Variants in ABLIM1 observed in about 807,000 individuals in gnomAD.
The protein encoded by ABLIM1 is actin binding LIM protein 1.
Under a neutral mutation model 107.0 loss-of-function variants are expected in ABLIM1, and 40 were observed. That is an observed-to-expected ratio of 0.37 (90% CI 0.29 to 0.49). ABLIM1 has a LOEUF of 0.49. Among genes scored for constraint, ABLIM1 ranks in the 20% least tolerant of loss-of-function variants. The pLI is 0.97. For missense variants in ABLIM1, 857 were observed against 1,008.5 expected, an observed-to-expected ratio of 0.85 and a Z score of 2.04; for synonymous variants, 357 against 357.3, an observed-to-expected ratio of 1.00 and a Z score of 0.01.
At chr10:114,795,709 CAAA>C in the ABLIM1 span, among the ~76,000 whole-genome samples, 9 of 109,118 alleles carry the variant, frequency 8.2e-5, no homozygotes, top group Admixed American at 1.0e-4. Flanking sequence ...GACTCCATCT[CAAA>C]AAAAAAAAAA....
At chr10:114,787,717 C>T in the ABLIM1 span, among the ~76,000 whole-genome samples, 8 of 131,634 alleles carry the variant, frequency 6.1e-5, no homozygotes, top group Admixed American at 1.5e-4. Context: ...GGGGGGTCAG[C>T]CCCCCGCCCG....
At chr10:114,793,826 T>C in the ABLIM1 span, among the ~76,000 whole-genome samples, 6 of 152,206 alleles carry the variant, frequency 3.9e-5, no homozygotes, top group Non-Finnish European at 7.3e-5. Context: ...CCTCTGTCTA[T>C]TACCAGGGTC....
At chr10:114,711,574 T>C (rs1472779237) in intron 1 of ABLIM1, among the ~76,000 whole-genome samples, 1 of 151,858 alleles carries the variant, frequency 6.6e-6, no homozygotes, top group African/African-American at 2.4e-5. Flanking sequence ...TTGAAAAAGG[T>C]TTAACAAAGG....
the ABLIM1 span, among the ~76,000 whole-genome samples, chr10:114,798,114 AT>A: frequency 6.6e-6 from 1 of 152,168 alleles, no homozygotes; most frequent in East Asian, 1.9e-4. Context: ...TGCCTTATAT[AT>A]TTTTTATATA....
At chr10:114,472,635 T>G (rs1414919233) in intron 10 of ABLIM1, among the ~76,000 whole-genome samples, 1 of 152,154 alleles carries the variant, frequency 6.6e-6, no homozygotes, top group African/African-American at 2.4e-5. Context: ...ATGAATATAC[T>G]TAAAGCTTAT....
chr10:114,659,427 G>A (rs1228524224), upstream of ABLIM1, among the ~76,000 whole-genome samples: 1 of 152,192 alleles, frequency 6.6e-6, no homozygotes, highest in Non-Finnish European at 1.5e-5. Context: ...TGAGGCAGGA[G>A]GATTGGTTGA....
chr10:114,526,926 C>A, intron 6 of ABLIM1: 1 of 985,514 alleles, frequency 1.0e-6, no homozygotes, highest in African/African-American at 1.7e-5. Flanking sequence ...CTCCTCTCCT[C>A]GCTTTACTTA....
chr10:114,768,837 T>C (rs892112088), upstream of ABLIM1, among the ~76,000 whole-genome samples: 1 of 152,098 alleles, frequency 6.6e-6, no homozygotes, highest in Admixed American at 6.5e-5. Context: ...TGGTGACCAC[T>C]CTGAACAAAT....
chr10:114,548,379 T>C (rs2067631019), intron 4 of ABLIM1, among the ~76,000 whole-genome samples: 1 of 152,168 alleles, frequency 6.6e-6, no homozygotes, highest in African/African-American at 2.4e-5. Flanking sequence ...AATTATTTCT[T>C]CATGGTAAAG....
chr10:114,737,545 C>T (rs2142237546), intron 1 of ABLIM1, among the ~76,000 whole-genome samples: 1 of 152,278 alleles, frequency 6.6e-6, no homozygotes, highest in African/African-American at 2.4e-5. Flanking sequence ...TGGGCCTGCT[C>T]ATGTCCTGCC....
chr10:114,765,683 T>C (rs573230248), intron 1 of ABLIM1, among the ~76,000 whole-genome samples: 1 of 152,336 alleles, frequency 6.6e-6, no homozygotes, highest in Non-Finnish European at 1.5e-5. Context: ...AGCACTCTAC[T>C]AATCTTTTAG....
rs2069775312 is a variant in ABLIM1, at chr10:114,561,976, G to A, written c.673+9321C>T. ...TGGGTCATAATTGTTACAGATTTCAGTAGGAAAAATCTGAATATTACTGTT... is the reference window on the plus strand; with the variant it reads ...TGGGTCATAATTGTTACAGATTTCAATAGGAAAAATCTGAATATTACTGTT... On this transcript the variant is annotated intron_variant, in intron 4 of 22. Coordinates refer to ENST00000533213, the MANE Select transcript of ABLIM1 (RefSeq NM_002313.7). Among the ~76,000 whole-genome samples, 2 of 152,176 alleles carry A rather than the reference G, an allele frequency of 1.3e-5. 1 individual carries two copies. The highest frequency in any genetic ancestry group is 4.1e-4 in the South Asian group (2 of 4,824).
intron 1 of ABLIM1, among the ~76,000 whole-genome samples, chr10:114,692,852 T>C (rs1171053008): frequency 6.6e-6 from 1 of 152,226 alleles, no homozygotes; most frequent in African/African-American, 2.4e-5. Flanking sequence ...GTGGTGCCAC[T>C]GCATTCCTGC....
chr10:114,497,846 A>G (rs1187519299), intron 6 of ABLIM1, among the ~76,000 whole-genome samples: 1 of 152,198 alleles, frequency 6.6e-6, no homozygotes, highest in Non-Finnish European at 1.5e-5. Context: ...TACACATTTG[A>G]AGTGCAAAAA....
At chr10:114,485,523 G>T in intron 8 of ABLIM1, 1 of 723,764 alleles carries the variant, frequency 1.4e-6, no homozygotes, top group Non-Finnish European at 2.2e-6. Context: ...TTCTTTCATT[G>T]ATGTACATGT....
chr10:114,648,905 C>A (rs1412459952), intron 1 of ABLIM1, among the ~76,000 whole-genome samples: 1 of 151,992 alleles, frequency 6.6e-6, no homozygotes, highest in Non-Finnish European at 1.5e-5. Context: ...TCTGGAGAGA[C>A]TCCACAGGAA....
At chr10:114,669,263 T>C (rs950720577) in intron 1 of ABLIM1, among the ~76,000 whole-genome samples, 39 of 152,194 alleles carry the variant, frequency 2.6e-4, no homozygotes, top group African/African-American at 8.9e-4. Context: ...TAACACAGCA[T>C]AATGCTATTA....
At chr10:114,591,974 C>T (rs937045704) in intron 2 of ABLIM1, among the ~76,000 whole-genome samples, 1 of 152,094 alleles carries the variant, frequency 6.6e-6, no homozygotes, top group Non-Finnish European at 1.5e-5. Context: ...ATATATCACT[C>T]AATGATAAAC....
At chr10:114,756,102 GT>G (rs1182955258) in intron 1 of ABLIM1, among the ~76,000 whole-genome samples, 1 of 151,824 alleles carries the variant, frequency 6.6e-6, no homozygotes, top group Non-Finnish European at 1.5e-5. Flanking sequence ...GTGTGTGTGT[GT>G]GTTCTAAAAG....
Sources: gnomAD v4.1 joint callset for allele counts (sites outside exome capture counted in the v4.1 genomes callset) on GRCh38, gnomAD v4.1.1 for gene constraint, MANE v1.5 for transcripts, NCBI Gene and HGNC (gene_info 2026-07-23, HGNC 2026-07-21) for gene names.